The following RHOT1 variants were observed in gnomAD, a reference collection of about 807,000 sequenced individuals.
RHOT1 encodes the protein mitochondrial Rho GTPase 1.
Under a neutral mutation model 95.3 loss-of-function variants are expected in RHOT1, and 27 were observed. That is an observed-to-expected ratio of 0.28 (90% CI 0.21 to 0.39). The LOEUF (loss-of-function observed/expected upper bound fraction) is 0.39. RHOT1 is among the 10% of genes least tolerant of loss of function. The probability of loss-of-function intolerance (pLI) is 1.00; values close to 1 mark genes in which losing one functional copy is unlikely to be tolerated. For synonymous variants in RHOT1, 227 were observed against 263.5 expected, an observed-to-expected ratio of 0.86 and a Z score of 1.34; for missense variants, 578 against 786.7, an observed-to-expected ratio of 0.73 and a Z score of 3.17.
intron 3 of RHOT1, 50 bp from the exon 4 acceptor site, chr17:32,175,269 T>C: frequency 6.5e-7 from 1 of 1,542,216 alleles, no homozygotes; most frequent in Non-Finnish European, 9.0e-7. Flanking sequence ...GGCCATTAGT[T>C]TTTATGAAAG....
intron 1 of RHOT1, among the ~76,000 whole-genome samples, chr17:32,151,818 G>T (rs569177797): frequency 6.7e-6 from 1 of 148,620 alleles, no homozygotes; most frequent in East Asian, 2.0e-4. Context: ...GGAGGCGGAG[G>T]TTGCAATGAG....
intron 19 of RHOT1, among the ~76,000 whole-genome samples, chr17:32,219,244 C>A (rs2038675638): frequency 6.6e-6 from 1 of 152,140 alleles, no homozygotes; most frequent in Admixed American, 6.5e-5. Context: ...CTGAACTTTT[C>A]TTTTCCTCTG....
At chr17:32,150,871 G>C in intron 1 of RHOT1, 1 of 1,535,674 alleles carries the variant, frequency 6.5e-7, no homozygotes, top group South Asian at 1.2e-5. Context: ...AACCACGGGA[G>C]AAAAAGCATA....
chr17:32,194,438 G>A (rs2036715650), intron 11 of RHOT1, among the ~76,000 whole-genome samples: 1 of 152,198 alleles, frequency 6.6e-6, no homozygotes, highest in Admixed American at 6.5e-5. Flanking sequence ...AAAATTTTTT[G>A]TTGTGGATGT....
intron 1 of RHOT1, among the ~76,000 whole-genome samples, chr17:32,155,438 G>C (rs1327168137): frequency 6.6e-6 from 1 of 150,956 alleles, no homozygotes; most frequent in Admixed American, 6.6e-5. Context: ...GGGATTACAG[G>C]TTTGAGCCAC....
intron 19 of RHOT1, among the ~76,000 whole-genome samples, chr17:32,218,506 G>GAA (rs371495186): frequency 2.1e-4 from 22 of 104,518 alleles, no homozygotes; most frequent in East Asian, 3.0e-4. Context: ...GATCCTGTCT[G>GAA]AAAAAAAAAA....
At position 32,176,177 on chromosome 17, in the gene RHOT1, T is replaced by A; in HGVS notation, c.293T>A (p.Ile98Asn). Residue 98 changes from isoleucine (I) to asparagine (N), a missense_variant, in exon 6 of 20, where the codon ATT becomes AAT. By Grantham distance (149) the Ile-to-Asn change is moderately radical (BLOSUM62 -3). This residue lies in a region of RHOT1 where 227 missense variants were observed against 316.0 expected (regional missense o/e 0.72). Coordinates refer to ENST00000545287, the MANE Select transcript of RHOT1 (RefSeq NM_001033566.3). Reference protein sequence around the residue: ...HSIDKVTSRWIPLINERTDKD... With the variant: ...HSIDKVTSRWNPLINERTDKD... ...TCATTTTAGGTAACAAGTCGATGGA[T>A]TCCTCTCATAAATGAAAGAACAGAC... 6.2e-7 allele frequency: 1 copy of A among 1,611,694 alleles called. No homozygotes were observed. The highest frequency in any genetic ancestry group is 8.5e-7 in the Non-Finnish European group (1 of 1,179,392).
At chr17:32,208,745 A>G (rs886994095) in intron 18 of RHOT1, 1 of 162,496 alleles carries the variant, frequency 6.2e-6, no homozygotes, top group Non-Finnish European at 1.4e-5. Flanking sequence ...AATTGTGGGT[A>G]TGCTTCAGTT....
intron 7 of RHOT1, 142 bp downstream of exon 7, chr17:32,183,007 G>A (rs1402025499): frequency 1.2e-5 from 9 of 744,618 alleles, no homozygotes; most frequent in Non-Finnish European, 1.9e-5. Context: ...CAGAGAAGTT[G>A]GAGTTGGCCT....
intron 1 of RHOT1, among the ~76,000 whole-genome samples, chr17:32,165,822 T>A (rs1294042427): frequency 1.3e-5 from 2 of 152,008 alleles, no homozygotes; most frequent in African/African-American, 2.4e-5. Flanking sequence ...AGAGAAACTG[T>A]GAGTTTGGTT....
At chr17:32,143,238 T>G (rs2030708968) in intron 1 of RHOT1, 1 of 378,538 alleles carries the variant, frequency 2.6e-6, no homozygotes, top group South Asian at 2.0e-5. Flanking sequence ...ACTATTCGAC[T>G]TGTGGGCAAG....
At chr17:32,178,881 C>A (rs1293296638) in intron 6 of RHOT1, 1 of 155,008 alleles carries the variant, frequency 6.5e-6, no homozygotes, top group African/African-American at 2.5e-5. Flanking sequence ...GCCGCCACCC[C>A]ATCTGGGAAG....
intron 11 of RHOT1, among the ~76,000 whole-genome samples, chr17:32,195,506 G>C (rs888541253): frequency 6.6e-6 from 1 of 152,140 alleles, no homozygotes; most frequent in Non-Finnish European, 1.5e-5. Context: ...CTTGTTGCAG[G>C]ATCCTTCTTC....
intron 1 of RHOT1, among the ~76,000 whole-genome samples, chr17:32,157,037 A>G (rs1449049037): frequency 3.3e-5 from 5 of 152,252 alleles, no homozygotes; most frequent in Non-Finnish European, 7.3e-5. Flanking sequence ...TTTCAGCCCA[A>G]TTCTGTGTAG....
chr17:32,198,714 A>T (rs902439287), intron 11 of RHOT1, among the ~76,000 whole-genome samples: 20 of 152,184 alleles, frequency 1.3e-4, no homozygotes, highest in African/African-American at 4.6e-4. Flanking sequence ...GTCTGAATTT[A>T]AAAAAGAGAA....
chr17:32,197,674 C>T (rs966141869), intron 11 of RHOT1, among the ~76,000 whole-genome samples: 12 of 152,182 alleles, frequency 7.9e-5, no homozygotes, highest in African/African-American at 1.9e-4. Flanking sequence ...GTGATCTGCC[C>T]GCCTCGGCCT....
intron 19 of RHOT1, 68 bp downstream of exon 19, chr17:32,211,306 T>G (rs1439411988): frequency 6.9e-7 from 1 of 1,439,258 alleles, no homozygotes; most frequent in Admixed American, 2.1e-5. Flanking sequence ...CGGATAACTA[T>G]TTATTATACA....
At chr17:32,216,187 C>T (rs921305216) in intron 19 of RHOT1, among the ~76,000 whole-genome samples, 3 of 152,010 alleles carry the variant, frequency 2.0e-5, no homozygotes, top group Admixed American at 6.6e-5. Context: ...TGTAGTGTAT[C>T]GTGAACTTTA....
intron 8 of RHOT1, among the ~76,000 whole-genome samples, chr17:32,191,564 A>C (rs1157284820): frequency 6.6e-6 from 1 of 152,226 alleles, no homozygotes; most frequent in Non-Finnish European, 1.5e-5. Flanking sequence ...TAAAACAAAA[A>C]TGAAGGAAAT....
Sources: allele counts gnomAD v4.1 joint callset (sites outside exome capture counted in the v4.1 genomes callset), GRCh38; gene constraint gnomAD v4.1.1; regional missense constraint gnomAD v4.1.1; transcripts MANE v1.5; gene names NCBI Gene and HGNC (gene_info 2026-07-23, HGNC 2026-07-21).